The following ZNF469 variants were observed in gnomAD, a reference collection of about 807,000 sequenced individuals.
ZNF469 encodes zinc finger protein 469.
Under a neutral mutation model 1.0 loss-of-function variants are expected in ZNF469, and 1 was observed. That is an observed-to-expected ratio of 1.00 (90% CI 0.35 to 4.73). The LOEUF is 4.73. Among genes scored for constraint, ZNF469 ranks in the 30% most tolerant of loss-of-function variants. The probability of loss-of-function intolerance (pLI) is 0.16; values close to 1 mark genes in which losing one functional copy is unlikely to be tolerated. For synonymous variants in ZNF469, 2,703 were observed against 2,363.4 expected (o/e 1.14, Z -4.17); for missense variants, 6,100 against 5,356.3 (o/e 1.14, Z -4.33).
the ZNF469 span, among the ~76,000 whole-genome samples, chr16:88,313,406 C>T: frequency 6.6e-6 from 1 of 152,228 alleles, no homozygotes; most frequent in South Asian, 2.1e-4. Flanking sequence ...ATTGCATCCG[C>T]CCATCCCTCC....
chr16:88,161,135 T>G, the ZNF469 span, among the ~76,000 whole-genome samples: 2 of 146,526 alleles, frequency 1.4e-5, no homozygotes, highest in African/African-American at 2.5e-5. Context: ...CACTCCAGCC[T>G]GGGTGACGGA....
At chr16:88,154,937 G>A in the ZNF469 span, among the ~76,000 whole-genome samples, 4 of 152,226 alleles carry the variant, frequency 2.6e-5, no homozygotes, top group African/African-American at 9.6e-5. Flanking sequence ...GCGCTTCTGG[G>A]CAGTGGGGTG....
At chr16:88,211,350 A>G in the ZNF469 span, among the ~76,000 whole-genome samples, 1 of 152,248 alleles carries the variant, frequency 6.6e-6, no homozygotes, top group African/African-American at 2.4e-5. Flanking sequence ...CAAGGCAGGC[A>G]TTAGTTAAAT....
intron 2 of ZNF469, among the ~76,000 whole-genome samples, chr16:88,425,574 G>T (rs576085348): frequency 6.6e-6 from 1 of 152,304 alleles, no homozygotes; most frequent in African/African-American, 2.4e-5. Context: ...ACCTCTCTGT[G>T]CCTGGATTCC....
At chr16:88,266,899 C>T in the ZNF469 span, among the ~76,000 whole-genome samples, 1 of 152,240 alleles carries the variant, frequency 6.6e-6, no homozygotes, top group African/African-American at 2.4e-5. Flanking sequence ...ACAAGAATGA[C>T]ACACTTTGTA....
intron 1 of ZNF469, among the ~76,000 whole-genome samples, chr16:88,386,682 G>A (rs763218654): frequency 6.6e-6 from 1 of 152,164 alleles, no homozygotes; most frequent in Non-Finnish European, 1.5e-5. Flanking sequence ...GAGACCAGCC[G>A]CTTCCAGGTC....
At chr16:88,285,023 C>T in the ZNF469 span, among the ~76,000 whole-genome samples, 10 of 152,270 alleles carry the variant, frequency 6.6e-5, no homozygotes, top group Non-Finnish European at 1.5e-4. Context: ...AGCCGGTTCC[C>T]CTAGGGCCGG....
At chr16:88,364,432 A>G in the ZNF469 span, among the ~76,000 whole-genome samples, 3 of 115,026 alleles carry the variant, frequency 2.6e-5, no homozygotes, top group South Asian at 5.9e-4. Context: ...TCTGGCTATT[A>G]TTGTTCCTTG....
chr16:88,264,321 G>C, the ZNF469 span, among the ~76,000 whole-genome samples: 1 of 151,830 alleles, frequency 6.6e-6, no homozygotes, highest in African/African-American at 2.4e-5. Context: ...CAACTCCCAC[G>C]TATTCCTGGG....
chr16:88,113,697 A>G, the ZNF469 span, among the ~76,000 whole-genome samples: 26 of 152,188 alleles, frequency 1.7e-4, no homozygotes, highest in Non-Finnish European at 1.5e-5. Flanking sequence ...TAAACGGGTA[A>G]CAAGTGGCCC....
At chr16:88,103,696 C>T in the ZNF469 span, among the ~76,000 whole-genome samples, 11 of 151,924 alleles carry the variant, frequency 7.2e-5, no homozygotes, top group South Asian at 1.2e-3. Context: ...CTCCGTGGCA[C>T]GAGGAAGCGC....
the ZNF469 span, among the ~76,000 whole-genome samples, chr16:88,291,301 C>A: frequency 1.3e-5 from 2 of 152,196 alleles, no homozygotes; most frequent in African/African-American, 4.8e-5. Context: ...TCGGCTGCTG[C>A]ACATTGGTCC....
chr16:88,187,070 G>A, the ZNF469 span, among the ~76,000 whole-genome samples: 6 of 152,276 alleles, frequency 3.9e-5, no homozygotes, highest in East Asian at 9.7e-4. Context: ...ACGATGTAGC[G>A]GGGCCCTCTG....
the ZNF469 span, among the ~76,000 whole-genome samples, chr16:88,247,891 A>T: frequency 6.6e-6 from 1 of 152,244 alleles, no homozygotes; most frequent in Non-Finnish European, 1.5e-5. Context: ...TCATGTCCAG[A>T]TTTGAGTCTT....
chr16:88,303,326 C>T, the ZNF469 span, among the ~76,000 whole-genome samples: 5 of 152,216 alleles, frequency 3.3e-5, no homozygotes, highest in Non-Finnish European at 7.3e-5. Flanking sequence ...TCCTGGGCCC[C>T]GTTGGCTGGG....
the ZNF469 span, among the ~76,000 whole-genome samples, chr16:88,126,495 T>A: frequency 6.7e-6 from 1 of 148,706 alleles, no homozygotes; most frequent in South Asian, 2.2e-4. Flanking sequence ...ATTTTAATCA[T>A]AACTGGATGT....
the ZNF469 span, among the ~76,000 whole-genome samples, chr16:88,285,508 G>A: frequency 2.0e-5 from 3 of 152,370 alleles, no homozygotes; most frequent in Middle Eastern, 3.4e-3. Flanking sequence ...GGGCCACAAA[G>A]AGCAGGGTCA....
At chr16:88,284,791 G>A in the ZNF469 span, among the ~76,000 whole-genome samples, 2 of 152,230 alleles carry the variant, frequency 1.3e-5, no homozygotes. Flanking sequence ...GGGCGATGGG[G>A]CCTTGGTGAG....
At chr16:88,272,446 G>C in the ZNF469 span, among the ~76,000 whole-genome samples, 6 of 148,346 alleles carry the variant, frequency 4.0e-5, no homozygotes, top group Non-Finnish European at 7.5e-5. Flanking sequence ...TGTATGCTGG[G>C]TGGTGAGATA....
Sources: allele counts gnomAD v4.1 joint callset (sites outside exome capture counted in the v4.1 genomes callset), GRCh38; gene constraint gnomAD v4.1.1; transcripts MANE v1.5; gene names NCBI Gene and HGNC (gene_info 2026-07-23, HGNC 2026-07-21).